C6: variants seen among roughly 807,000 people sequenced by gnomAD.
C6 encodes complement C6.
A neutral mutation model predicts 112.9 loss-of-function variants in C6; 101 were observed. That is an observed-to-expected ratio of 0.89 (90% CI 0.76 to 1.06). The LOEUF (loss-of-function observed/expected upper bound fraction) is 1.06. Ranked by LOEUF, C6 falls within the 50% of genes least tolerant of loss-of-function variation. The pLI, the probability that C6 is intolerant of heterozygous loss-of-function variation, is 0.00. For synonymous variants in C6, 431 were observed against 384.1 expected, an observed-to-expected ratio of 1.12 and a Z score of -1.43; for missense variants, 1,202 against 1,104.6, an observed-to-expected ratio of 1.09 and a Z score of -1.25.
intron 9 of C6, among the ~76,000 whole-genome samples, chr5:41,164,778 CAG>C (rs1379427662): frequency 6.6e-6 from 1 of 152,142 alleles, no homozygotes. Context: ...TACATTAACT[CAG>C]TTTCCTAAGT....
chr5:41,159,267 A>C lies in C6; in HGVS notation c.1685-14T>G, dbSNP rs1440460823. 6.2e-7 allele frequency: 1 copy of C among 1,612,102 alleles called. No individual in the cohort carries two copies. The highest frequency in any genetic ancestry group is 8.5e-7 in the Non-Finnish European group (1 of 1,179,062). On this transcript the variant is annotated splice_polypyrimidine_tract_variant and intron_variant, in intron 11 of 17. Coordinates refer to ENST00000337836, the MANE Select transcript of C6 (RefSeq NM_000065.5). ...CGTCTACTGCATCTGGAACAAAGGA[A>C]GACTCACTCCCATGGATCATGGTGC...
intron 9 of C6, among the ~76,000 whole-genome samples, chr5:41,168,759 T>C (rs1748185885): frequency 6.6e-6 from 1 of 152,188 alleles, no homozygotes; most frequent in Non-Finnish European, 1.5e-5. Context: ...GTCAACTTGA[T>C]GAAACTTATG....
intron 1 of C6, among the ~76,000 whole-genome samples, chr5:41,210,111 TG>T (rs1751776598): frequency 6.6e-6 from 1 of 152,042 alleles, no homozygotes; most frequent in Non-Finnish European, 1.5e-5. Context: ...AAACAAGCAA[TG>T]GGGAAAGGAT....
Position 41,186,104 on chromosome 5 carries a change from C to A in C6, c.692G>T (p.Arg231Leu). 1 of 1,613,964 alleles carries A rather than the reference C, an allele frequency of 6.2e-7. No homozygotes were observed. The highest frequency in any genetic ancestry group is 8.5e-7 in the Non-Finnish European group (1 of 1,179,938). The change falls in exon 6 of 18, where the codon CGT (arginine) becomes CTT (leucine). Residue 231 changes from arginine to leucine, a missense_variant. By Grantham distance (102) the Arg-to-Leu change is moderately radical. Transcript: ENST00000337836. ...VKSSRTSNPYRVPANLENVGF... is the reference protein window; with the variant it reads ...VKSSRTSNPYLVPANLENVGF... ...GACATTTTCCAGATTGGCCGGAACACGGTATGGATTACTTGTCCTACTGCT... is the reference window on the plus strand; with the variant it reads ...GACATTTTCCAGATTGGCCGGAACAAGGTATGGATTACTTGTCCTACTGCT...
chr5:41,251,305 A>C (rs1741345601), intron 1 of C6, among the ~76,000 whole-genome samples: 1 of 152,218 alleles, frequency 6.6e-6, no homozygotes, highest in African/African-American at 2.4e-5. Context: ...AAAAATCTGG[A>C]TAGGGGCAGC....
intron 3 of C6, among the ~76,000 whole-genome samples, chr5:41,200,923 C>T (rs1482841260): frequency 4.9e-5 from 4 of 81,452 alleles, no homozygotes; most frequent in Non-Finnish European, 8.8e-5. Flanking sequence ...TTTTTTAGTA[C>T]GAGTTGAGCA....
chr5:41,229,333 CT>C (rs35058762), intron 1 of C6, among the ~76,000 whole-genome samples: 8,244 of 140,518 alleles, frequency 0.059, 685 homozygotes, highest in African/African-American at 0.19. Flanking sequence ...TCATTCAGAA[CT>C]TTTTTTTTTT....
chr5:41,256,149 T>C (rs1181797076), intron 1 of C6, among the ~76,000 whole-genome samples: 3 of 152,118 alleles, frequency 2.0e-5, no homozygotes, highest in African/African-American at 7.2e-5. Flanking sequence ...TAGTATTCCA[T>C]GGTGTATATG....
At chr5:41,245,945 G>A (rs946138200) in intron 1 of C6, among the ~76,000 whole-genome samples, 2 of 152,020 alleles carry the variant, frequency 1.3e-5, no homozygotes, top group Non-Finnish European at 2.9e-5. Context: ...AATTATTCTG[G>A]CCTCCTAAAA....
intron 1 of C6, among the ~76,000 whole-genome samples, chr5:41,208,120 A>G (rs1201956349): frequency 6.6e-6 from 1 of 152,230 alleles, no homozygotes; most frequent in East Asian, 1.9e-4. Flanking sequence ...TTGAATGACT[A>G]CTGGGTACAT....
At position 41,201,706 on chromosome 5, in the gene C6, A is replaced by T; in HGVS notation, c.152T>A (p.Val51Glu). 11 of 1,613,494 alleles carry T rather than the reference A, an allele frequency of 6.8e-6. No homozygotes were observed. The highest frequency in any genetic ancestry group is 7.6e-6 in the Non-Finnish European group (9 of 1,179,590). The change falls in exon 3 of 18, where the codon GTA (valine) becomes GAA (glutamate). Residue 51 changes from valine (V) to glutamate (E), a missense_variant. Coordinates refer to ENST00000337836, the MANE Select transcript of C6 (RefSeq NM_000065.5). The stretch of plus-strand genomic sequence containing the variant: ...GTTTTCCTGGTAGTACTTATCTACT[A>T]CTATTTGTCTGTAACCATGAAGAAG... ...SGTQSRHRQI[V>E]VDKYYQENFC...
chr5:41,163,310 C>CTTTTTTTTT (rs35341613), intron 9 of C6, among the ~76,000 whole-genome samples: 1 of 134,562 alleles, frequency 7.4e-6, no homozygotes, highest in Non-Finnish European at 1.6e-5. Context: ...TATCAATGAA[C>CTTTTTTTTT]TTTTTTTTTT....
At chr5:41,185,810 A>C (rs6860770) in intron 6 of C6, among the ~76,000 whole-genome samples, 16,511 of 152,234 alleles carry the variant, frequency 0.11, 877 homozygotes, top group African/African-American at 0.14. Flanking sequence ...CGAATCAGGA[A>C]AACCTGGCCC....
At chr5:41,223,994 A>G (rs545700996) in intron 1 of C6, among the ~76,000 whole-genome samples, 2 of 152,280 alleles carry the variant, frequency 1.3e-5, no homozygotes, top group South Asian at 4.1e-4. Flanking sequence ...TTTGGGTTTG[A>G]CAGTATCACA....
intron 4 of C6, among the ~76,000 whole-genome samples, chr5:41,198,084 G>A (rs975174434): frequency 2.0e-5 from 3 of 152,112 alleles, no homozygotes; most frequent in Non-Finnish European, 4.4e-5. Flanking sequence ...TCTGAAAGAA[G>A]AGTTGGTATA....
intron 1 of C6, among the ~76,000 whole-genome samples, chr5:41,250,343 ATGATTT>A (rs1741273534): frequency 6.6e-6 from 1 of 152,180 alleles, no homozygotes; most frequent in Non-Finnish European, 1.5e-5. Context: ...CATGAGTTAG[ATGATTT>A]CTAAGCACGT....
At chr5:41,154,030 G>A (rs1746663202) in intron 14 of C6, 32 bp from the exon 15 acceptor site, 4 of 1,600,620 alleles carry the variant, frequency 2.5e-6, no homozygotes, top group African/African-American at 1.3e-5. Flanking sequence ...TATGTGTTTA[G>A]TGGAGCAGAA....
chr5:41,259,797 A>G (rs949251997), intron 1 of C6, among the ~76,000 whole-genome samples: 1 of 152,204 alleles, frequency 6.6e-6, no homozygotes, highest in African/African-American at 2.4e-5. Context: ...CAAATGTCGT[A>G]CCTATTAAGA....
chr5:41,162,794 C>G (rs999631552), intron 9 of C6, among the ~76,000 whole-genome samples: 2 of 152,094 alleles, frequency 1.3e-5, no homozygotes, highest in African/African-American at 2.4e-5. Context: ...AGTAGTATGG[C>G]TGCTTTTAGA....
Sources: gnomAD v4.1 joint callset for allele counts (sites outside exome capture counted in the v4.1 genomes callset) on GRCh38, gnomAD v4.1.1 for gene constraint, MANE v1.5 for transcripts, NCBI Gene and HGNC (gene_info 2026-07-23, HGNC 2026-07-21) for gene names.